Variants in FAF1 observed in about 807,000 individuals in gnomAD.
FAF1 encodes the protein FAS-associated factor 1.
In FAF1, 25 loss-of-function variants were observed where a neutral mutation model predicts 92.5. The observed-to-expected ratio is 0.27, with a 90% CI of 0.20 to 0.38. The LOEUF (loss-of-function observed/expected upper bound fraction) is 0.38. Among genes scored for constraint, FAF1 ranks in the 10% least tolerant of loss-of-function variants. The pLI, the probability that FAF1 is intolerant of heterozygous loss-of-function variation, is 1.00. For synonymous variants in FAF1, 234 were observed against 273.2 expected, an observed-to-expected ratio of 0.86 and a Z score of 1.42; for missense variants, 636 against 793.3, an observed-to-expected ratio of 0.80 and a Z score of 2.38.
intron 2 of FAF1, among the ~76,000 whole-genome samples, chr1:50,852,733 T>C (rs926398091): frequency 1.3e-5 from 2 of 152,192 alleles, no homozygotes; most frequent in African/African-American, 4.8e-5. Flanking sequence ...GCCCTCAGTT[T>C]CTCATCTATA....
At chr1:50,477,146 A>ATT (rs759204628) in intron 17 of FAF1, among the ~76,000 whole-genome samples, 1 of 152,074 alleles carries the variant, frequency 6.6e-6, no homozygotes, top group African/African-American at 2.4e-5. Context: ...ATACTGAACT[A>ATT]TTTTTTTTAA....
intron 8 of FAF1, among the ~76,000 whole-genome samples, chr1:50,632,000 T>C (rs1490809242): frequency 1.3e-5 from 2 of 152,170 alleles, no homozygotes; most frequent in African/African-American, 4.8e-5. Flanking sequence ...TGTACATGTA[T>C]ATGAAAAAAC....
chr1:50,752,624 G>A (rs1659911587), intron 4 of FAF1, among the ~76,000 whole-genome samples: 1 of 151,852 alleles, frequency 6.6e-6, no homozygotes, highest in African/African-American at 2.4e-5. Context: ...ACTGTTTTCT[G>A]CTCTTATACA....
intron 6 of FAF1, among the ~76,000 whole-genome samples, chr1:50,720,704 C>A (rs1658372426): frequency 6.6e-6 from 1 of 152,126 alleles, no homozygotes; most frequent in Admixed American, 6.5e-5. Flanking sequence ...ATCTTATCAA[C>A]CAGGGAAAAT....
rs557176443 is a variant in FAF1, at chr1:50,798,784, G to A, written c.161+2847C>T. ...ATAATATCTGCCTTTAATAGCTTAC[G>A]ACTAAAATAATAACTATAAAAAACC... On this transcript the variant is annotated intron_variant, in intron 3 of 18. Transcript: ENST00000396153. Among the ~76,000 whole-genome samples the A allele has an allele frequency of 7.2e-5, 11 of 152,206 alleles. No homozygotes were observed. In the South Asian group the frequency reaches 1.5e-3, roughly 20 times the overall value.
At chr1:50,733,616 C>G (rs1371310843) in intron 6 of FAF1, among the ~76,000 whole-genome samples, 1 of 152,170 alleles carries the variant, frequency 6.6e-6, no homozygotes, top group Non-Finnish European at 1.5e-5. Flanking sequence ...TTCTCTCTCT[C>G]TCCTCTCTCT....
intron 18 of FAF1, among the ~76,000 whole-genome samples, chr1:50,451,442 G>A (rs891062047): frequency 9.9e-5 from 15 of 152,182 alleles, no homozygotes; most frequent in East Asian, 3.8e-4. Flanking sequence ...GAGGCTCAGC[G>A]AGATTATATA....
rs186757955 is a variant in FAF1, at chr1:50,525,179, C to A, written c.1494+10190G>T. 6.8e-4 allele frequency among the ~76,000 whole-genome samples: 103 copies of A among 152,320 alleles called. 2 individuals are homozygous for A. The East Asian group carries it at 0.016, about 24-fold the overall frequency. ...GGGATTACAGGCGTGAGCCACTGTG[C>A]CTGGCCCCCATATGTATTTTAAAAG... On this transcript the variant is annotated intron_variant, in intron 15 of 18. Transcript: ENST00000396153.
intron 1 of FAF1, among the ~76,000 whole-genome samples, chr1:50,951,152 T>C (rs1002461830): frequency 1.3e-5 from 2 of 152,224 alleles, no homozygotes; most frequent in African/African-American, 4.8e-5. Context: ...GAGAACTGCC[T>C]GAACCGGGGA....
At chr1:50,562,080 C>G (rs1649944475) in intron 13 of FAF1, among the ~76,000 whole-genome samples, 1 of 152,128 alleles carries the variant, frequency 6.6e-6, no homozygotes, top group African/African-American at 2.4e-5. Context: ...TGGGGAGAGG[C>G]AAGACTTCCC....
intron 7 of FAF1, among the ~76,000 whole-genome samples, chr1:50,667,083 C>T (rs1344105511): frequency 6.6e-6 from 1 of 152,132 alleles, no homozygotes; most frequent in Non-Finnish European, 1.5e-5. Context: ...ATTGTTTCAA[C>T]AATTGAATGC....
At chr1:50,877,755 A>T (rs925632098) in intron 1 of FAF1, among the ~76,000 whole-genome samples, 1 of 152,106 alleles carries the variant, frequency 6.6e-6, no homozygotes. Context: ...TTCTCCCTTC[A>T]GTTTACTGCT....
chr1:50,693,301 A>G (rs1163382766), intron 7 of FAF1, among the ~76,000 whole-genome samples: 1 of 152,150 alleles, frequency 6.6e-6, no homozygotes, highest in Non-Finnish European at 1.5e-5. Flanking sequence ...TCCCAGCACC[A>G]TATGTTGAAT....
intron 8 of FAF1, among the ~76,000 whole-genome samples, chr1:50,613,130 A>G (rs750320284): frequency 7.2e-5 from 11 of 152,202 alleles, no homozygotes; most frequent in Non-Finnish European, 1.2e-4. Flanking sequence ...GTAATTTTCT[A>G]GAGAAATATA....
intron 1 of FAF1, among the ~76,000 whole-genome samples, chr1:50,922,501 G>A (rs1644973003): frequency 1.4e-5 from 2 of 138,530 alleles, no homozygotes; most frequent in South Asian, 4.7e-4. Flanking sequence ...AGAGAGAAGA[G>A]AAGAGAAGAG....
At chr1:50,458,179 C>T (rs1646380366) in intron 18 of FAF1, among the ~76,000 whole-genome samples, 1 of 152,038 alleles carries the variant, frequency 6.6e-6, no homozygotes, top group Admixed American at 6.6e-5. Context: ...AGCCATTGCA[C>T]TCCAGCCTGG....
chr1:50,655,167 G>A (rs542133582), intron 8 of FAF1, among the ~76,000 whole-genome samples: 4 of 152,012 alleles, frequency 2.6e-5, no homozygotes, highest in East Asian at 1.9e-4. Context: ...GATTAGAGGC[G>A]GCCGCCACCA....
intron 4 of FAF1, 148 bp downstream of exon 4, chr1:50,787,852 G>A: frequency 1.6e-6 from 1 of 637,966 alleles, no homozygotes; most frequent in Non-Finnish European, 2.7e-6. Context: ...TAAAAATAAA[G>A]CATAATAATC....
chr1:50,885,312 T>TCTCTCTCTCTCTCA (rs906105476), intron 1 of FAF1, among the ~76,000 whole-genome samples: 1 of 137,370 alleles, frequency 7.3e-6, no homozygotes, highest in African/African-American at 2.9e-5. Context: ...TCTCTCTCTC[T>TCTCTCTCTCTCTCA]CACACACACA....
Sources: allele counts gnomAD v4.1 joint callset (sites outside exome capture counted in the v4.1 genomes callset), GRCh38; gene constraint gnomAD v4.1.1; transcripts MANE v1.5; gene names NCBI Gene and HGNC (gene_info 2026-07-23, HGNC 2026-07-21).